The following KCNJ3 variants were observed in gnomAD, a reference collection of about 807,000 sequenced individuals.
KCNJ3 encodes potassium inwardly rectifying channel subfamily J member 3, also known as G protein-activated inward rectifier potassium channel 1.
A neutral mutation model predicts 39.2 loss-of-function variants in KCNJ3; 4 were observed. That is an observed-to-expected ratio of 0.10 (90% CI 0.05 to 0.23). KCNJ3 has a LOEUF of 0.23. KCNJ3 is among the 10% of genes least tolerant of loss of function. The pLI, the probability that KCNJ3 is intolerant of heterozygous loss-of-function variation, is 1.00. For synonymous variants in KCNJ3, 230 were observed against 237.4 expected, an observed-to-expected ratio of 0.97 and a Z score of 0.29; for missense variants, 276 against 634.9, an observed-to-expected ratio of 0.43 and a Z score of 6.08.
At chr2:154,812,420 A>G (rs1042778365) in intron 2 of KCNJ3, among the ~76,000 whole-genome samples, 18 of 152,144 alleles carry the variant, frequency 1.2e-4, no homozygotes, top group African/African-American at 3.9e-4. Context: ...TATAATATAT[A>G]TACACTTTTA....
At chr2:154,755,423 A>G (rs1685920515) in intron 2 of KCNJ3, among the ~76,000 whole-genome samples, 1 of 151,836 alleles carries the variant, frequency 6.6e-6, no homozygotes, top group Non-Finnish European at 1.5e-5. Context: ...AAATTTTCAA[A>G]TATTTTAATG....
intron 2 of KCNJ3, among the ~76,000 whole-genome samples, chr2:154,710,139 T>C (rs1267195634): frequency 6.6e-6 from 1 of 152,128 alleles, no homozygotes; most frequent in Non-Finnish European, 1.5e-5. Flanking sequence ...TCTTTAAAGA[T>C]TTAAGGCTCA....
At chr2:154,717,157 C>T (rs1394060418) in intron 2 of KCNJ3, among the ~76,000 whole-genome samples, 1 of 152,132 alleles carries the variant, frequency 6.6e-6, no homozygotes, top group African/African-American at 2.4e-5. Flanking sequence ...GTAGAGGGAG[C>T]TAAGCCTTCT....
intron 2 of KCNJ3, among the ~76,000 whole-genome samples, chr2:154,827,672 G>A (rs1391541191): frequency 6.6e-6 from 1 of 151,590 alleles, no homozygotes; most frequent in Non-Finnish European, 1.5e-5. Flanking sequence ...TCAAATACAG[G>A]CTATATAGGT....
intron 2 of KCNJ3, among the ~76,000 whole-genome samples, chr2:154,815,799 C>T (rs1050729421): frequency 6.6e-6 from 1 of 152,220 alleles, no homozygotes; most frequent in African/African-American, 2.4e-5. Context: ...GCTGTTCTTA[C>T]TTACCAAGCC....
At chr2:154,742,931 A>G (rs1221126293) in intron 2 of KCNJ3, among the ~76,000 whole-genome samples, 2 of 151,870 alleles carry the variant, frequency 1.3e-5, no homozygotes, top group Non-Finnish European at 2.9e-5. Context: ...ATCATAGCCA[A>G]AAAATCAATG....
intron 2 of KCNJ3, among the ~76,000 whole-genome samples, chr2:154,817,132 CT>C (rs534356926): frequency 6.7e-4 from 102 of 152,240 alleles, no homozygotes; most frequent in African/African-American, 2.3e-3. Context: ...TTTCTTCCCC[CT>C]GATAATAAGA....
intron 2 of KCNJ3, among the ~76,000 whole-genome samples, chr2:154,820,258 T>C (rs930029129): frequency 1.3e-5 from 2 of 152,342 alleles, no homozygotes; most frequent in South Asian, 4.1e-4. Flanking sequence ...TATCGAGTTA[T>C]TGAAGAAACT....
At chr2:154,836,248 A>AAAC (rs1327287988) in intron 2 of KCNJ3, among the ~76,000 whole-genome samples, 1 of 150,810 alleles carries the variant, frequency 6.6e-6, no homozygotes, top group Non-Finnish European at 1.5e-5. Context: ...AAACAAAAAA[A>AAAC]AACAACTAGG....
chr2:154,811,260 G>A (rs1287825294), intron 2 of KCNJ3, among the ~76,000 whole-genome samples: 1 of 152,072 alleles, frequency 6.6e-6, no homozygotes, highest in Non-Finnish European at 1.5e-5. Flanking sequence ...CGTGGCATAT[G>A]TCAAACGACA....
Position 154,736,374 on chromosome 2 carries a change from T to TAAAAAAAAAAAAAAAAAAAAA in KCNJ3, c.919+26575_919+26595dup, listed in dbSNP as rs70983745. Among the ~76,000 whole-genome samples the TAAAAAAAAAAAAAAAAAAAAA allele has an allele frequency of 1.8e-4, 17 of 93,230 alleles. 1 individual carries two copies. Among genetic ancestry groups the TAAAAAAAAAAAAAAAAAAAAA allele is most frequent in the Admixed American group, 2.6e-4 (2 of 7,670 alleles). The allele number at this position is 93,230 out of a possible 152,430, so 61.2% of individuals were successfully genotyped here. ...AGAGAGTGACAGGAGTCACTAGTTC[T>TAAAAAAAAAAAAAAAAAAAAA]AAAAAAAAAAAAAAAAAAAAAAAAA... On this transcript the variant is annotated intron_variant, in intron 2 of 2. Transcript: ENST00000295101.
intron 2 of KCNJ3, among the ~76,000 whole-genome samples, chr2:154,710,555 A>G (rs1160875950): frequency 6.6e-6 from 1 of 152,130 alleles, no homozygotes; most frequent in African/African-American, 2.4e-5. Flanking sequence ...CACATTGCTT[A>G]GTTTGGAAGC....
At chr2:154,796,018 C>A (rs1374290774) in intron 2 of KCNJ3, among the ~76,000 whole-genome samples, 1 of 152,044 alleles carries the variant, frequency 6.6e-6, no homozygotes, top group African/African-American at 2.4e-5. Context: ...TTTCTTTCCC[C>A]CTACTAGATT....
intron 2 of KCNJ3, among the ~76,000 whole-genome samples, chr2:154,758,080 CT>C (rs2105186613): frequency 6.6e-6 from 1 of 152,164 alleles, no homozygotes; most frequent in Admixed American, 6.5e-5. Flanking sequence ...GATAAGGTTC[CT>C]TTATTTCAGG....
intron 2 of KCNJ3, among the ~76,000 whole-genome samples, chr2:154,799,943 T>C (rs1574466997): frequency 6.6e-6 from 1 of 152,162 alleles, no homozygotes; most frequent in East Asian, 1.9e-4. Context: ...TAAGTAAAAG[T>C]AGAACCGAGT....
intron 2 of KCNJ3, among the ~76,000 whole-genome samples, chr2:154,813,081 G>A (rs2105103133): frequency 6.6e-6 from 1 of 152,296 alleles, no homozygotes. Context: ...AGGTTACACA[G>A]CTAGTTAGTA....
At chr2:154,795,147 C>G (rs1205320656) in intron 2 of KCNJ3, among the ~76,000 whole-genome samples, 3 of 151,932 alleles carry the variant, frequency 2.0e-5, no homozygotes, top group African/African-American at 7.2e-5. Flanking sequence ...GAACCTCCAC[C>G]TTTTTGAATA....
chr2:154,842,733 G>GTC (rs2105131226), intron 2 of KCNJ3, among the ~76,000 whole-genome samples: 1 of 152,236 alleles, frequency 6.6e-6, no homozygotes, highest in South Asian at 2.1e-4. Context: ...TTGGTTTAAA[G>GTC]TCTGTTTTAT....
intron 2 of KCNJ3, among the ~76,000 whole-genome samples, chr2:154,759,907 T>G (rs1209488220): frequency 6.6e-6 from 1 of 152,164 alleles, no homozygotes; most frequent in Non-Finnish European, 1.5e-5. Context: ...TGTTTCTAAT[T>G]TTACATATTA....
Sources: gnomAD v4.1 joint callset for allele counts (sites outside exome capture counted in the v4.1 genomes callset) on GRCh38, gnomAD v4.1.1 for gene constraint, MANE v1.5 for transcripts, NCBI Gene and HGNC (gene_info 2026-07-23, HGNC 2026-07-21) for gene names.